AFF1: variants seen among roughly 807,000 people sequenced by gnomAD.
The protein encoded by AFF1 is AF4/FMR2 family member 1.
Under a neutral mutation model 121.7 loss-of-function variants are expected in AFF1, and 48 were observed. That is an observed-to-expected ratio of 0.39 (90% CI 0.31 to 0.50). The LOEUF is 0.50. AFF1 is among the 20% of genes least tolerant of loss of function. The pLI is 0.76. For missense variants in AFF1, 1,523 were observed against 1,511.7 expected (o/e 1.01, Z -0.12); for synonymous variants, 613 against 563.0 (o/e 1.09, Z -1.26).
At chr4:86,988,980 C>T (rs1223456991) in intron 2 of AFF1, among the ~76,000 whole-genome samples, 2 of 152,128 alleles carry the variant, frequency 1.3e-5, no homozygotes, top group African/African-American at 4.8e-5. Context: ...AACTGGCTAG[C>T]CATATGCAGA....
chr4:87,064,463 C>G (rs540060066), intron 4 of AFF1, among the ~76,000 whole-genome samples: 72 of 152,262 alleles, frequency 4.7e-4, no homozygotes, highest in African/African-American at 1.7e-3. Context: ...GTATGGAGGC[C>G]AGGCACAGTG....
chr4:87,098,479 C>A (rs936353192), intron 8 of AFF1, among the ~76,000 whole-genome samples: 1 of 152,100 alleles, frequency 6.6e-6, no homozygotes, highest in Admixed American at 6.5e-5. Context: ...GTAACTGTGA[C>A]CTTCATATAA....
intron 12 of AFF1, among the ~76,000 whole-genome samples, chr4:87,121,260 G>C (rs1260713666): frequency 2.6e-5 from 4 of 152,210 alleles, no homozygotes; most frequent in Non-Finnish European, 4.4e-5. Context: ...CCTGAAGAGA[G>C]AGTATCACCT....
At chr4:87,021,188 G>A (rs1406613242) in intron 2 of AFF1, among the ~76,000 whole-genome samples, 3 of 152,244 alleles carry the variant, frequency 2.0e-5, no homozygotes, top group African/African-American at 7.2e-5. Flanking sequence ...TTGGGGCCTT[G>A]TAATAGGATG....
At position 86,941,550 on chromosome 4, in the gene AFF1, C is replaced by T. The variant is rs2464615; in HGVS notation, c.-37+6310C>T. On this transcript the variant is annotated intron_variant, in intron 1 of 20. Transcript: ENST00000395146. The stretch of plus-strand genomic sequence containing the variant: ...GCACATGCCTGTAATCCTAGCTACT[C>T]GGGAGGCTGAGGCAGGAGAATTGCT... 6.4e-3 allele frequency among the ~76,000 whole-genome samples: 971 copies of T among 152,032 alleles called. 6 individuals carry two copies. Among genetic ancestry groups the T allele is most frequent in the Non-Finnish European group, 0.011 (732 of 67,962 alleles).
At position 86,940,443 on chromosome 4, in the gene AFF1, C is replaced by T. The variant is rs557509140; in HGVS notation, c.-37+5203C>T. Among the ~76,000 whole-genome samples, 3 of 152,298 alleles carry T rather than the reference C, an allele frequency of 2.0e-5. No homozygotes were observed. The East Asian group carries it at 5.8e-4, about 29-fold the overall frequency. ...ATGAGACAGAGTCTCACTCTGTTGC[C>T]CAGGCTGGAGTGCAGTGGTGCAATC... On this transcript the variant is annotated intron_variant, in intron 1 of 20. Transcript: ENST00000395146.
intron 4 of AFF1, among the ~76,000 whole-genome samples, chr4:87,050,390 G>A (rs1578146545): frequency 6.6e-6 from 1 of 152,148 alleles, no homozygotes; most frequent in African/African-American, 2.4e-5. Flanking sequence ...CACTGCTTCT[G>A]TGAAATAGTG....
At chr4:86,951,603 TTTTTCTTTTTTC>T (rs1407593568) in intron 2 of AFF1, among the ~76,000 whole-genome samples, 2 of 88,680 alleles carry the variant, frequency 2.3e-5, no homozygotes, top group African/African-American at 7.3e-5. Context: ...CTTTTTTTTC[TTTTTCTTTTTTC>T]TTTTTTTCTT....
chr4:87,049,079 TAAAA>T (rs869134642), intron 4 of AFF1, among the ~76,000 whole-genome samples: 4 of 66,070 alleles, frequency 6.1e-5, no homozygotes, highest in African/African-American at 2.2e-4. Flanking sequence ...GTTCCCAGTT[TAAAA>T]AAAAAAAAAA....
At chr4:86,962,142 TTTC>T (rs1280459771) in intron 2 of AFF1, among the ~76,000 whole-genome samples, 1 of 112,068 alleles carries the variant, frequency 8.9e-6, no homozygotes, top group East Asian at 2.8e-4. Context: ...AAAGTTATTG[TTTC>T]TTTTTTTTTT....
chr4:87,014,572 T>C (rs891595903), intron 2 of AFF1, among the ~76,000 whole-genome samples: 1 of 152,240 alleles, frequency 6.6e-6, no homozygotes, highest in Admixed American at 6.5e-5. Flanking sequence ...TTGTAACTTT[T>C]CAATTTTTGG....
At chr4:87,031,062 G>C (rs1729028921) in intron 2 of AFF1, among the ~76,000 whole-genome samples, 1 of 152,136 alleles carries the variant, frequency 6.6e-6, no homozygotes. Flanking sequence ...CGTTGTCTGG[G>C]GTGGGGGTAG....
At chr4:87,042,435 C>T (rs1250753666) in intron 2 of AFF1, among the ~76,000 whole-genome samples, 1 of 152,232 alleles carries the variant, frequency 6.6e-6, no homozygotes, top group African/African-American at 2.4e-5. Context: ...CGGTCTTCCT[C>T]TGCCCTGCCC....
At chr4:87,009,859 A>G (rs1441427436) in intron 2 of AFF1, among the ~76,000 whole-genome samples, 1 of 152,222 alleles carries the variant, frequency 6.6e-6, no homozygotes, top group Non-Finnish European at 1.5e-5. Context: ...ACTACTACAC[A>G]TTAGTGTTTG....
intron 10 of AFF1, 144 bp downstream of exon 10, chr4:87,105,989 A>G (rs1044388983): frequency 2.8e-6 from 3 of 1,065,524 alleles, no homozygotes; most frequent in Non-Finnish European, 4.2e-6. Flanking sequence ...TACCTGTTTA[A>G]TATTTTGGAA....
rs761998372 is a variant in AFF1 at position 87,105,619 on chromosome 4, C to T, written c.1284-9C>T. On this transcript the variant is annotated splice_polypyrimidine_tract_variant and intron_variant, in intron 8 of 20. Transcript: ENST00000395146. ...CATTCATTCTTCTCTGTGTCCCTGC[C>T]CATTCCAGCATGCTCGAAGACGACC... 1 of 1,614,096 alleles carries T rather than the reference C, an allele frequency of 6.2e-7. No individual in the cohort carries two copies. Among genetic ancestry groups the T allele is most frequent in the South Asian group, 1.1e-5 (1 of 91,072 alleles).
intron 11 of AFF1, among the ~76,000 whole-genome samples, chr4:87,113,827 C>A (rs766585215): frequency 7.9e-5 from 12 of 152,118 alleles, no homozygotes; most frequent in Non-Finnish European, 1.5e-4. Flanking sequence ...TATCATGCCA[C>A]TGCACTCCAG....
chr4:86,950,629 C>T (rs934980540), intron 2 of AFF1, among the ~76,000 whole-genome samples: 2 of 152,160 alleles, frequency 1.3e-5, no homozygotes, highest in Admixed American at 1.3e-4. Context: ...CAAATGTTCT[C>T]CTACTTCTCC....
chr4:87,131,335 A>C, intron 17 of AFF1, 116 bp downstream of exon 17: 1 of 1,370,154 alleles, frequency 7.3e-7, no homozygotes, highest in Non-Finnish European at 1.0e-6. Context: ...GCCTTAAAAA[A>C]GTTATTGGTC....
Sources: allele counts gnomAD v4.1 joint callset (sites outside exome capture counted in the v4.1 genomes callset), GRCh38; gene constraint gnomAD v4.1.1; transcripts MANE v1.5; gene names NCBI Gene and HGNC (gene_info 2026-07-23, HGNC 2026-07-21).